Variants in HNRNPH1 observed in about 807,000 individuals in gnomAD.
The protein encoded by HNRNPH1 is heterogeneous nuclear ribonucleoprotein H.
In HNRNPH1, 4 loss-of-function variants were observed where a neutral mutation model predicts 58.6. That is an observed-to-expected ratio of 0.07 (90% CI 0.03 to 0.16). HNRNPH1 has a LOEUF of 0.16. HNRNPH1 is among the 10% of genes least tolerant of loss of function. The pLI is 1.00. For synonymous variants in HNRNPH1, 192 were observed against 189.2 expected, an observed-to-expected ratio of 1.01 and a Z score of -0.12; for missense variants, 271 against 564.2, an observed-to-expected ratio of 0.48 and a Z score of 5.26.
chr5:179,616,286 G>T (rs1247499068), intron 10 of HNRNPH1, 68 bp from the exon 12 acceptor site: 3 of 1,194,734 alleles, frequency 2.5e-6, no homozygotes, highest in Non-Finnish European at 3.8e-6. Context: ...TACCGGGCTT[G>T]TAATTCTATA....
chr5:179,614,907 A>C, exon 13 of HNRNPH1: 1 of 1,550,302 alleles, frequency 6.5e-7, no homozygotes, highest in Non-Finnish European at 8.7e-7. Flanking sequence ...TCACGCCCAT[A>C]GATGCACGGC....
rs766615755 is a variant in HNRNPH1 at position 179,623,004 on chromosome 5, A to G, written c.97+33T>C. The G allele has an allele frequency of 3.0e-5, 32 of 1,060,604 alleles. No individual in the cohort carries two copies. The African/African-American group carries it at 5.3e-4, about 18-fold the overall frequency. 65.7% of individuals were successfully genotyped at this position (1,060,604 alleles called of 1,614,324 possible). On this transcript the variant is annotated intron_variant, in intron 1 of 12. Transcript: ENST00000356731. ...CGCCAGCCCGCCCGCCCCGGCCTCGAACTCGAACTCCCGCGTCCTAGTTCT... is the reference window on the plus strand; with the variant it reads ...CGCCAGCCCGCCCGCCCCGGCCTCGGACTCGAACTCCCGCGTCCTAGTTCT...
chr5:179,623,218 T>C, exon 1 of HNRNPH1: 3 of 969,836 alleles, frequency 3.1e-6, no homozygotes, highest in Non-Finnish European at 3.1e-6. Flanking sequence ...GTCCTTCGCC[T>C]CCGAGGCGCG....
chr5:179,632,483 G>A (rs1774924848), intron 2 of HNRNPH1, among the ~76,000 whole-genome samples: 1 of 152,208 alleles, frequency 6.6e-6, no homozygotes, highest in Non-Finnish European at 1.5e-5. Context: ...TCCTTCCGAC[G>A]CCGAGTCCGG....
intron 1 of HNRNPH1, 71 bp from the exon 3 acceptor site, chr5:179,621,468 T>C: frequency 7.6e-7 from 1 of 1,309,320 alleles, no homozygotes; most frequent in South Asian, 1.2e-5. Flanking sequence ...AGATGAAATG[T>C]CTATTCCATG....
chr5:179,622,537 C>T (rs528677819), intron 1 of HNRNPH1, among the ~76,000 whole-genome samples: 4 of 152,040 alleles, frequency 2.6e-5, no homozygotes, highest in Non-Finnish European at 5.9e-5. Flanking sequence ...ATAGTGAAAC[C>T]CCGTCTCTAC....
intron 1 of HNRNPH1, 187 bp from the exon 3 acceptor site, chr5:179,621,584 T>C (rs55821473): frequency 0.38 from 220,689 of 584,076 alleles, 44,577 homozygotes; most frequent in Non-Finnish European, 0.44. Context: ...CCTAAGGTGA[T>C]ATATTTCCAA....
chr5:179,618,647 C>A (rs1770919806), intron 4 of HNRNPH1: 1 of 204,892 alleles, frequency 4.9e-6, no homozygotes, highest in Admixed American at 5.3e-5. Flanking sequence ...AGTCTTAAAT[C>A]CATTGGCAGC....
upstream of HNRNPH1, among the ~76,000 whole-genome samples, chr5:179,628,023 A>G (rs1025851813): frequency 1.3e-5 from 2 of 151,696 alleles, no homozygotes; most frequent in African/African-American, 4.8e-5. Flanking sequence ...GGGTTTCACC[A>G]TGTTGGCCAG....
upstream of HNRNPH1, among the ~76,000 whole-genome samples, chr5:179,627,411 T>G (rs541781144): frequency 6.6e-6 from 1 of 152,080 alleles, no homozygotes; most frequent in East Asian, 1.9e-4. Flanking sequence ...CAGGCTAGTC[T>G]TGAATTCCTG....
At chr5:179,623,214 C>T (rs979773917) in exon 1 of HNRNPH1, 3 of 1,054,828 alleles carry the variant, frequency 2.8e-6, no homozygotes, top group African/African-American at 3.2e-5. Context: ...AGCTGTCCTT[C>T]GCCTCCGAGG....
chr5:179,617,945 G>C lies in HNRNPH1; in HGVS notation c.788-13C>G, dbSNP rs769109224. On this transcript the variant is annotated splice_polypyrimidine_tract_variant and intron_variant, in intron 6 of 12. Transcript: ENST00000356731. Reference sequence around the variant, plus strand: ...CAGTAATTGAGGTCTAGATGGACAAGAGTGTAAGCATCCTTCAACTGAGAA... The same window carrying C: ...CAGTAATTGAGGTCTAGATGGACAACAGTGTAAGCATCCTTCAACTGAGAA... 1 of 1,613,846 alleles carries C rather than the reference G, an allele frequency of 6.2e-7. No individual in the cohort carries two copies. The highest frequency in any genetic ancestry group is 1.7e-5 in the Admixed American group (1 of 60,006).
At chr5:179,618,592 A>C (rs1433119834) in intron 4 of HNRNPH1, 1 of 286,652 alleles carries the variant, frequency 3.5e-6, no homozygotes, top group African/African-American at 2.2e-5. Flanking sequence ...ACTGTAAATA[A>C]ATGTTTTAGG....
At chr5:179,632,140 A>G (rs914525740) in intron 2 of HNRNPH1, among the ~76,000 whole-genome samples, 2 of 152,022 alleles carry the variant, frequency 1.3e-5, no homozygotes, top group Non-Finnish European at 2.9e-5. Context: ...CCCCGTCTCT[A>G]CTAAAAATAC....
upstream of HNRNPH1, chr5:179,624,735 C>T: frequency 2.5e-6 from 1 of 396,998 alleles, no homozygotes. Context: ...GCCTTCCTCA[C>T]CCCAGCTTTA....
chr5:179,620,171 TACTAC>T (rs1287068186), intron 3 of HNRNPH1: 5 of 152,264 alleles, frequency 3.3e-5, no homozygotes, highest in East Asian at 1.9e-4. Context: ...ATTTTTAACA[TACTAC>T]ACTAAACCAT....
intron 8 of HNRNPH1, 65 bp downstream of exon 9, chr5:179,617,449 C>A: frequency 6.5e-7 from 1 of 1,530,804 alleles, no homozygotes; most frequent in South Asian, 1.2e-5. Flanking sequence ...TTTTCCATTT[C>A]TCTATTGTAA....
chr5:179,617,325 G>T, intron 8 of HNRNPH1, 189 bp downstream of exon 9: 1 of 737,538 alleles, frequency 1.4e-6, no homozygotes, highest in Non-Finnish European at 2.2e-6. Context: ...TTCAAGATGT[G>T]CATATCACAA....
chr5:179,626,689 C>G (rs1581763529), upstream of HNRNPH1, among the ~76,000 whole-genome samples: 1 of 149,370 alleles, frequency 6.7e-6, no homozygotes, highest in Admixed American at 6.6e-5. Context: ...GCACTCCTGC[C>G]TGGGCAACAG....
Sources: gnomAD v4.1 joint callset for allele counts (sites outside exome capture counted in the v4.1 genomes callset) on GRCh38, gnomAD v4.1.1 for gene constraint, MANE v1.5 for transcripts, NCBI Gene and HGNC (gene_info 2026-07-23, HGNC 2026-07-21) for gene names.